The following PIMREG variants were observed in gnomAD, a reference collection of about 807,000 sequenced individuals.
PIMREG encodes protein PIMREG.
PIMREG carries 19 observed loss-of-function variants against 24.3 expected under a neutral mutation model. That is an observed-to-expected ratio of 0.78 (90% CI 0.54 to 1.15). The LOEUF (loss-of-function observed/expected upper bound fraction) is 1.15. Ranked by LOEUF, PIMREG falls within the 50% of genes most tolerant of loss-of-function variation. The probability of loss-of-function intolerance (pLI) is 0.00; values close to 1 mark genes in which losing one functional copy is unlikely to be tolerated. For synonymous variants in PIMREG, 112 were observed against 124.1 expected (o/e 0.90, Z 0.65); for missense variants, 283 against 306.8 (o/e 0.92, Z 0.58).
In PIMREG at chr17:6,450,916, T is replaced by C. The variant is rs994644910; in HGVS notation, c.*569T>C. On this transcript the variant is annotated 3_prime_UTR_variant, in exon 6 of 6. Transcript: ENST00000572447. ...TATGCTCAGTGCAGAGCACTGTGGA[T>C]GTGCCAGGAGGGGTAGCCCTGTTCA... The C allele has an allele frequency of 1.2e-4, 18 of 156,518 alleles. No homozygotes were observed. The highest frequency in any genetic ancestry group is 4.3e-4 in the African/African-American group (18 of 41,780). 9.7% of individuals were successfully genotyped at this position (156,518 alleles called of 1,614,324 possible).
Position 6,450,057 on chromosome 17 carries a change from G to T in PIMREG, c.716G>T (p.Ter239LeuextTer25). 6.2e-7 allele frequency: 1 copy of T among 1,614,144 alleles called. No homozygotes were observed. The highest frequency in any genetic ancestry group is 8.5e-7 in the Non-Finnish European group (1 of 1,180,000). ...GACATCGTCTCTCTCATTCATGACT[G>T]AGGAAGTGCCTGCAGGTAATGCCCA... The part of the protein sequence containing the change: ...SGDIVSLIHD[*>L] The change falls in exon 5 of 6, where the codon TGA (stop) becomes TTA (leucine). Residue 239 changes from the stop codon to leucine, a stop_lost. Transcript: ENST00000572447.
rs779032256 is a variant in PIMREG at position 6,447,622 on chromosome 17, G to T, written c.454G>T (p.Ala152Ser). The change falls in exon 3 of 6, where the codon GCC becomes TCC. Residue 152 changes from alanine to serine, a missense_variant. Physicochemically the swap from Ala to Ser is moderately conservative, Grantham distance 99. Coordinates refer to ENST00000572447, the MANE Select transcript of PIMREG (RefSeq NM_019013.3). ...GTCTGGAGCCGCCCCTGCCCACTCA[G>T]CCGCAGACCCCTGGGAGAAGGAGCA... ...RLSGAAPAHS[A>S]ADPWEKEHHR... 1 of 1,613,870 alleles carries T rather than the reference G, an allele frequency of 6.2e-7. No individual in the cohort carries two copies. The highest frequency in any genetic ancestry group is 1.3e-5 in the African/African-American group (1 of 74,936).
chr17:6,445,096 C>T lies in PIMREG; in HGVS notation c.-15C>T, dbSNP rs1281972134. The T allele has an allele frequency of 1.3e-6, 2 of 1,575,868 alleles. No individual in the cohort carries two copies. The highest frequency in any genetic ancestry group is 1.7e-6 in the Non-Finnish European group (2 of 1,161,240). ...CCCAGGGTCTAGTGGACAGAGAAGACTCTTGGCCAGGCAGATGGCTTCTCG... is the reference window on the plus strand; with the variant it reads ...CCCAGGGTCTAGTGGACAGAGAAGATTCTTGGCCAGGCAGATGGCTTCTCG... On this transcript the variant is annotated 5_prime_UTR_variant, in exon 2 of 6. Coordinates refer to ENST00000572447, the MANE Select transcript of PIMREG (RefSeq NM_019013.3).
chr17:6,445,493 A>C, intron 2 of PIMREG, 89 bp downstream of exon 2: 4 of 1,403,138 alleles, frequency 2.9e-6, no homozygotes, highest in Non-Finnish European at 3.9e-6. Flanking sequence ...AAGAATATAG[A>C]CTTCATGAAA....
chr17:6,448,185 A>C (rs1470869461), intron 3 of PIMREG, among the ~76,000 whole-genome samples: 1 of 148,580 alleles, frequency 6.7e-6, no homozygotes, highest in African/African-American at 2.5e-5. Context: ...TGGGAGGTTG[A>C]GGCAGGAGAA....
At chr17:6,447,369 G>C (rs1296489689) in intron 2 of PIMREG, 94 bp from the exon 3 acceptor site, 2 of 1,362,748 alleles carry the variant, frequency 1.5e-6, no homozygotes, top group Non-Finnish European at 2.0e-6. Flanking sequence ...GCCTGCCTCG[G>C]CCTCCCAAAG....
At chr17:6,447,787 C>T (rs1913643632) in intron 3 of PIMREG, 29 bp downstream of exon 3, 2 of 1,560,232 alleles carry the variant, frequency 1.3e-6, no homozygotes, top group African/African-American at 2.7e-5. Context: ...CACCCCGGGG[C>T]TGGTGGCCTT....
intron 3 of PIMREG, among the ~76,000 whole-genome samples, chr17:6,448,727 G>A (rs907741803): frequency 2.0e-5 from 3 of 152,240 alleles, no homozygotes; most frequent in Non-Finnish European, 1.5e-5. Context: ...CATCCCAATC[G>A]GCAGTCCCTG....
At chr17:6,448,730 A>C (rs939159794) in intron 3 of PIMREG, among the ~76,000 whole-genome samples, 1 of 152,184 alleles carries the variant, frequency 6.6e-6, no homozygotes, top group Non-Finnish European at 1.5e-5. Context: ...CCCAATCGGC[A>C]GTCCCTGGCA....
At position 6,447,661 on chromosome 17, in the gene PIMREG, G is replaced by A. The variant is rs771291523; in HGVS notation, c.493G>A (p.Val165Ile). 3 of 1,614,148 alleles carry A rather than the reference G, an allele frequency of 1.9e-6. No individual in the cohort carries two copies. The highest frequency in any genetic ancestry group is 2.5e-6 in the Non-Finnish European group (3 of 1,180,004). Residue 165 changes from valine (V) to isoleucine (I), a missense_variant, in exon 3 of 6, where the codon GTC becomes ATC. Physicochemically the swap from Val to Ile is conservative, Grantham distance 29 (BLOSUM62 3). Coordinates refer to ENST00000572447, the MANE Select transcript of PIMREG (RefSeq NM_019013.3). ...PWEKEHHRLS[V>I]RMGSHAHPLR... ...GGAGAAGGAGCATCACCGCCTCTCT[G>A]TCCGGATGGGCTCACATGCCCACCC...
chr17:6,449,746 G>C, intron 4 of PIMREG: 1 of 1,396,752 alleles, frequency 7.2e-7, no homozygotes, highest in South Asian at 1.8e-5. Flanking sequence ...CTATGGAATT[G>C]GGAAAAGCAA....
At chr17:6,447,839 C>A in intron 3 of PIMREG, 81 bp downstream of exon 3, 1 of 1,444,380 alleles carries the variant, frequency 6.9e-7, no homozygotes, top group Non-Finnish European at 9.3e-7. Flanking sequence ...TCCCAGACAC[C>A]AACTGGGCCC....
intron 5 of PIMREG, 61 bp from the exon 6 acceptor site, chr17:6,450,301 G>C: frequency 6.9e-7 from 1 of 1,457,290 alleles, no homozygotes; most frequent in Non-Finnish European, 9.3e-7. Context: ...CAGTGAGCAG[G>C]GAAAGGCATC....
At chr17:6,447,831 C>A in intron 3 of PIMREG, 73 bp downstream of exon 3, 1 of 1,476,108 alleles carries the variant, frequency 6.8e-7, no homozygotes, top group East Asian at 2.3e-5. Context: ...GTCTGACCTC[C>A]CAGACACCAA....
At chr17:6,448,291 A>AAAAAAAAAAAAAAAAAAAC (rs1913666162) in intron 3 of PIMREG, among the ~76,000 whole-genome samples, 1 of 149,618 alleles carries the variant, frequency 6.7e-6, no homozygotes, top group African/African-American at 2.5e-5. Flanking sequence ...TCAAAAAAAA[A>AAAAAAAAAAAAAAAAAAAC]AAAAAAAAAA....
At chr17:6,450,000 T>G in intron 4 of PIMREG, 28 bp from the exon 5 acceptor site, 1 of 1,612,844 alleles carries the variant, frequency 6.2e-7, no homozygotes, top group Non-Finnish European at 8.5e-7. Context: ...CCACACCCAG[T>G]GGCATCAATC....
chr17:6,448,669 C>A (rs1472320848), intron 3 of PIMREG, among the ~76,000 whole-genome samples: 1 of 152,180 alleles, frequency 6.6e-6, no homozygotes, highest in African/African-American at 2.4e-5. Context: ...TCTTCTAGTT[C>A]TCAGACAGGC....
At chr17:6,446,789 T>C (rs1054254119) in intron 2 of PIMREG, among the ~76,000 whole-genome samples, 5 of 152,104 alleles carry the variant, frequency 3.3e-5, no homozygotes, top group Admixed American at 2.0e-4. Flanking sequence ...GCTCTCTTGG[T>C]GTACAGGGGG....
chr17:6,449,544 C>T, intron 4 of PIMREG, 137 bp downstream of exon 4: 2 of 1,006,264 alleles, frequency 2.0e-6, no homozygotes, highest in African/African-American at 3.3e-5. Context: ...CCTCAGTCTC[C>T]CTCATCTCAA....
Sources: allele counts gnomAD v4.1 joint callset (sites outside exome capture counted in the v4.1 genomes callset), GRCh38; gene constraint gnomAD v4.1.1; transcripts MANE v1.5; gene names NCBI Gene and HGNC (gene_info 2026-07-23, HGNC 2026-07-21).